Variants in CUX2 observed in about 807,000 individuals in gnomAD.
CUX2 encodes cut like homeobox 2.
Under a neutral mutation model 144.8 loss-of-function variants are expected in CUX2, and 40 were observed. The observed-to-expected ratio is 0.28, with a 90% CI of 0.21 to 0.36. The LOEUF (loss-of-function observed/expected upper bound fraction) is 0.36, where lower values mean the gene tolerates loss of function less well. Among genes scored for constraint, CUX2 ranks in the 10% least tolerant of loss-of-function variants. The probability of loss-of-function intolerance (pLI) is 1.00; values close to 1 mark genes in which losing one functional copy is unlikely to be tolerated. For synonymous variants in CUX2, 827 were observed against 875.6 expected, an observed-to-expected ratio of 0.94 and a Z score of 0.98; for missense variants, 1,615 against 1,994.0, an observed-to-expected ratio of 0.81 and a Z score of 3.62.
At chr12:111,143,458 G>A (rs534908871) in intron 1 of CUX2, among the ~76,000 whole-genome samples, 1 of 152,308 alleles carries the variant, frequency 6.6e-6, no homozygotes, top group African/African-American at 2.4e-5. Context: ...CCCAGAGACG[G>A]GAGTGCAGAA....
intron 1 of CUX2, among the ~76,000 whole-genome samples, chr12:111,087,981 C>G (rs750809888): frequency 6.6e-6 from 1 of 152,144 alleles, no homozygotes; most frequent in East Asian, 1.9e-4. Context: ...AAGGAACGAA[C>G]TATTGATAAG....
chr12:111,043,597 G>C (rs1203178454), intron 1 of CUX2, among the ~76,000 whole-genome samples: 1 of 151,614 alleles, frequency 6.6e-6, no homozygotes, highest in Non-Finnish European at 1.5e-5. Flanking sequence ...CAGATAATTT[G>C]AGGTCAGGCA....
At chr12:111,202,631 G>A (rs1442972519) in intron 1 of CUX2, among the ~76,000 whole-genome samples, 7 of 152,214 alleles carry the variant, frequency 4.6e-5, no homozygotes, top group East Asian at 1.9e-4. Context: ...TCGGGACACA[G>A]CAGTGACCCA....
intron 4 of CUX2, chr12:111,270,717 A>C (rs1050300913): frequency 1.3e-4 from 20 of 152,000 alleles, no homozygotes; most frequent in Non-Finnish European, 2.2e-4. Context: ...GATAAGAGAC[A>C]GGTGAGTGCC....
rs147713328 is a variant in CUX2 at position 111,102,613 on chromosome 12, G to A, written c.63+68373G>A. 1.1e-3 allele frequency among the ~76,000 whole-genome samples: 173 copies of A among 152,328 alleles called. 1 individual carries two copies. Among genetic ancestry groups the A allele is most frequent in the African/African-American group, 3.6e-3 (150 of 41,568 alleles). On this transcript the variant is annotated intron_variant, in intron 1 of 21. Transcript: ENST00000261726. ...TGAAACAGCTTGCATGCATGATCTC[G>A]TCTAGTCTTTGTAGAAACCCCTCAA...
intron 1 of CUX2, among the ~76,000 whole-genome samples, chr12:111,170,571 T>G (rs1878459475): frequency 7.7e-6 from 1 of 129,576 alleles, no homozygotes; most frequent in Non-Finnish European, 1.6e-5. Flanking sequence ...TTTTTTTTTT[T>G]GAGACGGTGT....
chr12:111,043,139 A>G (rs9669645), intron 1 of CUX2, among the ~76,000 whole-genome samples: 10,941 of 152,250 alleles, frequency 0.072, 1,306 homozygotes, highest in African/African-American at 0.25. Flanking sequence ...TGATATAGTA[A>G]GCAAGGAAGG....
In CUX2 at chr12:111,308,447, C is replaced by T. The variant is rs780193919; in HGVS notation, c.1179C>T (p.Asp393=). ...SLPQGMAKPE[D]SLLIAKEAFF... ...CCTAGGGCATGGCCAAGCCTGAAGA[C>T]TCACTGCTTATTGCAAAGGAGGCCT... Residue 393 remains aspartate (D), a synonymous_variant, in exon 14 of 22, where the codon GAC becomes GAT. Transcript: ENST00000261726. 78 of 1,614,070 alleles carry T rather than the reference C, an allele frequency of 4.8e-5. No individual in the cohort carries two copies. The Admixed American group carries it at 1.3e-3, about 26-fold the overall frequency.
intron 1 of CUX2, among the ~76,000 whole-genome samples, chr12:111,182,067 G>A (rs1879217136): frequency 1.3e-5 from 2 of 152,158 alleles, no homozygotes. Flanking sequence ...GTTTAAAAAT[G>A]TGCAAAGGGA....
chr12:111,045,911 G>A (rs1042908453), intron 1 of CUX2, among the ~76,000 whole-genome samples: 3 of 152,184 alleles, frequency 2.0e-5, no homozygotes, highest in African/African-American at 7.2e-5. Context: ...GGAGTGACTA[G>A]TATTACCTTT....
intron 18 of CUX2, among the ~76,000 whole-genome samples, chr12:111,323,583 G>A (rs116452676): frequency 2.8e-3 from 426 of 152,046 alleles, no homozygotes; most frequent in African/African-American, 9.5e-3. Flanking sequence ...CTTGAAGCCA[G>A]GAGTTCAAGA....
intron 19 of CUX2, among the ~76,000 whole-genome samples, chr12:111,335,248 C>A (rs1267049476): frequency 6.6e-6 from 1 of 150,768 alleles, no homozygotes; most frequent in Non-Finnish European, 1.5e-5. Flanking sequence ...AAAAAATTAA[C>A]CAGGCGTGGT....
Position 111,263,163 on chromosome 12 carries a change from C to T in CUX2, c.223-598C>T, listed in dbSNP as rs1884213506. ...TCTCCTTCTTGCCCCTCCCCTATCCCATGTTTGCACAAGTAGAAAATGACT... is the reference window on the plus strand; with the variant it reads ...TCTCCTTCTTGCCCCTCCCCTATCCTATGTTTGCACAAGTAGAAAATGACT... On this transcript the variant is annotated intron_variant, in intron 3 of 21. Coordinates refer to ENST00000261726, the MANE Select transcript of CUX2 (RefSeq NM_015267.4). The surrounding 1 kb of genome is among the most constrained non-coding windows in gnomAD (Gnocchi z 4.0). Among the ~76,000 whole-genome samples, 1 of 152,200 alleles carries T rather than the reference C, an allele frequency of 6.6e-6. No individual in the cohort carries two copies. The highest frequency in any genetic ancestry group is 1.5e-5 in the Non-Finnish European group (1 of 68,038).
chr12:111,326,540 A>C (rs1212069712), intron 18 of CUX2, among the ~76,000 whole-genome samples: 1 of 151,962 alleles, frequency 6.6e-6, no homozygotes, highest in African/African-American at 2.4e-5. Flanking sequence ...TCTGTCACCC[A>C]GGCTGGAGTG....
intron 3 of CUX2, among the ~76,000 whole-genome samples, chr12:111,239,601 A>G (rs979253580): frequency 6.6e-6 from 1 of 152,222 alleles, no homozygotes; most frequent in Admixed American, 6.5e-5. Flanking sequence ...AGCAAAGTTT[A>G]TCATCGAAAA....
chr12:111,147,963 G>A (rs181805727), intron 1 of CUX2, among the ~76,000 whole-genome samples: 5 of 152,282 alleles, frequency 3.3e-5, no homozygotes, highest in East Asian at 1.9e-4. Flanking sequence ...CAATGCTGCA[G>A]CCACTATGGG....
intron 9 of CUX2, 119 bp downstream of exon 9, chr12:111,298,708 C>G (rs1592934926): frequency 9.2e-7 from 1 of 1,089,950 alleles, no homozygotes; most frequent in Non-Finnish European, 1.3e-6. Flanking sequence ...AACTGTGGGT[C>G]TTGTGCATGC....
At chr12:111,047,336 TA>T (rs1009986119) in intron 1 of CUX2, among the ~76,000 whole-genome samples, 1 of 152,212 alleles carries the variant, frequency 6.6e-6, no homozygotes, top group African/African-American at 2.4e-5. Context: ...TAGCCTTTAT[TA>T]AAAAAGTTTT....
intron 1 of CUX2, among the ~76,000 whole-genome samples, chr12:111,202,683 G>A (rs930878994): frequency 1.3e-5 from 2 of 152,194 alleles, no homozygotes; most frequent in Non-Finnish European, 2.9e-5. Flanking sequence ...ACATTGGAGG[G>A]GGCAGGAGGC....
Sources: allele counts gnomAD v4.1 joint callset (sites outside exome capture counted in the v4.1 genomes callset), GRCh38; gene constraint gnomAD v4.1.1; non-coding constraint Gnocchi (gnomAD v3.1); transcripts MANE v1.5; gene names NCBI Gene and HGNC (gene_info 2026-07-23, HGNC 2026-07-21).